The following SLIT3 variants were observed in gnomAD, a reference collection of about 807,000 sequenced individuals.
SLIT3 encodes slit guidance ligand 3.
In SLIT3, 68 loss-of-function variants were observed where a neutral mutation model predicts 184.0. The observed-to-expected ratio is 0.37, with a 90% CI of 0.30 to 0.45. The LOEUF (loss-of-function observed/expected upper bound fraction) is 0.45. SLIT3 is among the 20% of genes least tolerant of loss of function. The pLI, the probability that SLIT3 is intolerant of heterozygous loss-of-function variation, is 1.00. For synonymous variants in SLIT3, 831 were observed against 828.6 expected (o/e 1.00, Z -0.05); for missense variants, 1,707 against 2,026.0 (o/e 0.84, Z 3.02).
At chr5:168,762,034 G>A (rs1374682156) in intron 15 of SLIT3, among the ~76,000 whole-genome samples, 1 of 149,222 alleles carries the variant, frequency 6.7e-6, no homozygotes, top group South Asian at 2.1e-4. Flanking sequence ...GCCTCCCAAA[G>A]TGCTGGGATT....
chr5:169,193,523 G>A lies in SLIT3; in HGVS notation c.369C>T (p.Val123=), dbSNP rs761193960. ...TGCTCTGGAAAAGCAATTCTGGAAG[G>A]ACTTGCAGCTTATTCTTGTTCAGGC... ...RLRLNKNKLQ[V]LPELLFQSTP... is the part of the protein sequence containing the mutation. Residue 123 remains valine (V), a synonymous_variant, in exon 4 of 36, where the codon GTC becomes GTT. Coordinates refer to ENST00000519560, the MANE Select transcript of SLIT3 (RefSeq NM_003062.4). 1.9e-6 allele frequency: 3 copies of A among 1,614,078 alleles called. No individual in the cohort carries two copies. The highest frequency in any genetic ancestry group is 1.7e-6 in the Non-Finnish European group (2 of 1,179,968).
At chr5:168,969,045 T>G (rs544647341) in intron 4 of SLIT3, among the ~76,000 whole-genome samples, 143 of 152,246 alleles carry the variant, frequency 9.4e-4, no homozygotes, top group African/African-American at 3.1e-3. Flanking sequence ...AATTCCAGAT[T>G]ATTTTTCCCC....
intron 5 of SLIT3, among the ~76,000 whole-genome samples, chr5:168,875,629 C>T (rs1270230184): frequency 6.7e-6 from 1 of 149,098 alleles, no homozygotes; most frequent in African/African-American, 2.5e-5. Context: ...AGCAAAACTC[C>T]GCCTTAAAAA....
At chr5:169,296,774 G>A (rs1194586264) in intron 1 of SLIT3, among the ~76,000 whole-genome samples, 1 of 152,210 alleles carries the variant, frequency 6.6e-6, no homozygotes, top group Non-Finnish European at 1.5e-5. Flanking sequence ...CCTTTCGCCC[G>A]TTCTCCTTCG....
intron 4 of SLIT3, among the ~76,000 whole-genome samples, chr5:169,164,966 C>A (rs1206962055): frequency 6.6e-6 from 1 of 152,236 alleles, no homozygotes; most frequent in Admixed American, 6.5e-5. Flanking sequence ...CTGTGCCAAT[C>A]TGGGGAGCCA....
At chr5:168,887,474 C>G (rs1760263223) in intron 4 of SLIT3, among the ~76,000 whole-genome samples, 1 of 152,222 alleles carries the variant, frequency 6.6e-6, no homozygotes, top group Non-Finnish European at 1.5e-5. Context: ...CTCTTTGCCT[C>G]AGTTTCCCCA....
chr5:169,233,275 G>A (rs1316122853), intron 3 of SLIT3, among the ~76,000 whole-genome samples: 3 of 152,132 alleles, frequency 2.0e-5, no homozygotes, highest in Non-Finnish European at 4.4e-5. Flanking sequence ...TGCCCACCTC[G>A]GCTTCCCAAA....
At chr5:168,819,224 T>G (rs1394315962) in intron 7 of SLIT3, among the ~76,000 whole-genome samples, 1 of 152,222 alleles carries the variant, frequency 6.6e-6, no homozygotes, top group Non-Finnish European at 1.5e-5. Flanking sequence ...CCTAAGCTGG[T>G]GGGAAGGACC....
At chr5:168,990,052 G>T (rs541876106) in intron 4 of SLIT3, among the ~76,000 whole-genome samples, 3 of 152,278 alleles carry the variant, frequency 2.0e-5, no homozygotes, top group South Asian at 2.1e-4. Flanking sequence ...CTCTTCTCAG[G>T]CCAAGCTGGC....
At chr5:169,082,277 G>A (rs1243431664) in intron 4 of SLIT3, among the ~76,000 whole-genome samples, 1 of 152,178 alleles carries the variant, frequency 6.6e-6, no homozygotes, top group African/African-American at 2.4e-5. Context: ...GCAACTCACA[G>A]ACATTGAAGA....
chr5:168,824,031 C>T (rs1281315736), intron 6 of SLIT3, among the ~76,000 whole-genome samples: 1 of 152,200 alleles, frequency 6.6e-6, no homozygotes, highest in African/African-American at 2.4e-5. Flanking sequence ...TCACTGCAAC[C>T]TCCGCCTCCC....
At chr5:169,208,087 A>G (rs1764137139) in intron 3 of SLIT3, among the ~76,000 whole-genome samples, 1 of 152,236 alleles carries the variant, frequency 6.6e-6, no homozygotes, top group African/African-American at 2.4e-5. Flanking sequence ...GAAGAAAAAA[A>G]AGAAAAGGAA....
intron 14 of SLIT3, among the ~76,000 whole-genome samples, chr5:168,768,878 T>C (rs1029158561): frequency 1.1e-4 from 17 of 152,162 alleles, no homozygotes; most frequent in African/African-American, 3.6e-4. Flanking sequence ...TGAGGTTTAA[T>C]AGAGGAGCAG....
intron 1 of SLIT3, among the ~76,000 whole-genome samples, chr5:169,251,996 T>G (rs1765791125): frequency 6.6e-6 from 1 of 152,206 alleles, no homozygotes. Context: ...GACTCACTCA[T>G]GCCTGAAGCC....
chr5:169,143,811 A>T (rs894281827), intron 4 of SLIT3, among the ~76,000 whole-genome samples: 2 of 152,174 alleles, frequency 1.3e-5, no homozygotes, highest in Non-Finnish European at 2.9e-5. Flanking sequence ...AAACAACAAA[A>T]ACAGTATGTA....
chr5:168,764,962 C>T (rs2113514208), intron 14 of SLIT3, among the ~76,000 whole-genome samples: 1 of 152,320 alleles, frequency 6.6e-6, no homozygotes, highest in South Asian at 2.1e-4. Flanking sequence ...TGTCAGATGA[C>T]TACCTTCTCT....
chr5:168,884,776 T>TA (rs1355993003), intron 4 of SLIT3, among the ~76,000 whole-genome samples: 1 of 151,826 alleles, frequency 6.6e-6, no homozygotes, highest in African/African-American at 2.4e-5. Context: ...ATTTGCTATT[T>TA]AATGAAAACA....
At chr5:169,086,170 AAGAGCGT>A (rs1759290275) in intron 4 of SLIT3, among the ~76,000 whole-genome samples, 1 of 152,280 alleles carries the variant, frequency 6.6e-6, no homozygotes, top group East Asian at 1.9e-4. Context: ...TTTGTTTTTT[AAGAGCGT>A]AGAGGGTTAC....
intron 14 of SLIT3, among the ~76,000 whole-genome samples, chr5:168,770,192 C>T (rs2113528926): frequency 6.6e-6 from 1 of 152,302 alleles, no homozygotes; most frequent in East Asian, 1.9e-4. Context: ...CAGCATCCAA[C>T]CCTAAACTGA....
Sources: allele counts gnomAD v4.1 joint callset (sites outside exome capture counted in the v4.1 genomes callset), GRCh38; gene constraint gnomAD v4.1.1; transcripts MANE v1.5; gene names NCBI Gene and HGNC (gene_info 2026-07-23, HGNC 2026-07-21).